The following NLGN1 variants were observed in gnomAD, a reference collection of about 807,000 sequenced individuals.
NLGN1 encodes neuroligin 1.
Under a neutral mutation model 65.5 loss-of-function variants are expected in NLGN1, and 12 were observed. The observed-to-expected ratio is 0.18, with a 90% CI of 0.12 to 0.30. The LOEUF (loss-of-function observed/expected upper bound fraction) is 0.30, where lower values mean the gene tolerates loss of function less well. Among genes scored for constraint, NLGN1 ranks in the 10% least tolerant of loss-of-function variants. NLGN1 has a pLI of 1.00. For missense variants in NLGN1, 750 were observed against 1,007.1 expected (o/e 0.74, Z 3.46); for synonymous variants, 350 against 359.5 (o/e 0.97, Z 0.30).
intron 4 of NLGN1, among the ~76,000 whole-genome samples, chr3:174,265,561 T>G (rs1046155656): frequency 6.6e-6 from 1 of 151,832 alleles, no homozygotes; most frequent in African/African-American, 2.4e-5. Context: ...GCGCACCCAC[T>G]GACCTGCGCC....
intron 3 of NLGN1, among the ~76,000 whole-genome samples, chr3:173,717,595 TC>T (rs1770086494): frequency 6.6e-6 from 1 of 152,170 alleles, no homozygotes; most frequent in African/African-American, 2.4e-5. Context: ...AATTGTATTT[TC>T]TTTTTTATTA....
At chr3:173,681,516 A>G (rs1763944870) in intron 3 of NLGN1, among the ~76,000 whole-genome samples, 1 of 152,156 alleles carries the variant, frequency 6.6e-6, no homozygotes, top group Non-Finnish European at 1.5e-5. Flanking sequence ...GGCCTCTCCA[A>G]ACCTCCCTGG....
chr3:173,836,412 A>C (rs1006779317), intron 4 of NLGN1, among the ~76,000 whole-genome samples: 15 of 152,150 alleles, frequency 9.9e-5, no homozygotes, highest in African/African-American at 3.6e-4. Context: ...AGTAATAATC[A>C]TACTACTACT....
chr3:173,507,185 A>G lies in NLGN1; in HGVS notation c.-321+72107A>G, dbSNP rs150641141. Among the ~76,000 whole-genome samples the G allele has an allele frequency of 6.4e-3, 981 of 152,220 alleles. 13 individuals carry two copies. Among genetic ancestry groups the G allele is most frequent in the African/African-American group, 0.022 (923 of 41,548 alleles). ...AATAAGTACATGTTTGCTGCTGATG[A>G]GAAAGAATTAACCTCAGGTTTATTC... On this transcript the variant is annotated intron_variant, in intron 2 of 6. Coordinates refer to ENST00000457714, the Ensembl canonical transcript of NLGN1.
At chr3:174,086,286 T>TATATATTTATGTATGTGCATAA (rs1561008018) in intron 4 of NLGN1, among the ~76,000 whole-genome samples, 1 of 16,410 alleles carries the variant, frequency 6.1e-5, no homozygotes, top group Non-Finnish European at 1.1e-4. Flanking sequence ...TGTGCATAAA[T>TATATATTTATGTATGTGCATAA]ATATATATAT....
At chr3:174,121,858 T>A (rs954847996) in intron 4 of NLGN1, among the ~76,000 whole-genome samples, 2 of 152,210 alleles carry the variant, frequency 1.3e-5, no homozygotes, top group Non-Finnish European at 2.9e-5. Flanking sequence ...TTCTAATTTC[T>A]TTACTTTGTA....
intron 3 of NLGN1, among the ~76,000 whole-genome samples, chr3:173,709,263 C>G (rs1431969538): frequency 2.0e-5 from 3 of 152,160 alleles, no homozygotes; most frequent in Admixed American, 1.3e-4. Context: ...CCAGACCTAG[C>G]AGTCACCCTT....
At chr3:173,547,432 C>A (rs1740055586) in intron 2 of NLGN1, among the ~76,000 whole-genome samples, 1 of 152,134 alleles carries the variant, frequency 6.6e-6, no homozygotes, top group Non-Finnish European at 1.5e-5. Context: ...AATGAATGTG[C>A]TGCGGAGCCT....
At chr3:174,209,951 G>T (rs1424157005) in intron 4 of NLGN1, among the ~76,000 whole-genome samples, 10 of 151,868 alleles carry the variant, frequency 6.6e-5, no homozygotes. Context: ...CTTTCCACCT[G>T]CATCCTCTAT....
chr3:173,980,828 A>G (rs528785607), intron 4 of NLGN1, among the ~76,000 whole-genome samples: 9 of 152,252 alleles, frequency 5.9e-5, no homozygotes, highest in African/African-American at 1.9e-4. Context: ...TTTGAGTACT[A>G]TGATTGACCC....
intron 3 of NLGN1, among the ~76,000 whole-genome samples, chr3:173,737,666 C>T (rs900859641): frequency 6.6e-6 from 1 of 152,034 alleles, no homozygotes; most frequent in Non-Finnish European, 1.5e-5. Flanking sequence ...AGCTGATGGA[C>T]TTTGAGTTTT....
intron 2 of NLGN1, among the ~76,000 whole-genome samples, chr3:173,532,571 G>GAT (rs1162482952): frequency 6.6e-6 from 1 of 152,144 alleles, no homozygotes; most frequent in Non-Finnish European, 1.5e-5. Context: ...TGATTAAGGA[G>GAT]ATACTATAAA....
intron 4 of NLGN1, among the ~76,000 whole-genome samples, chr3:174,274,529 C>G (rs1004553953): frequency 1.3e-5 from 2 of 151,672 alleles, no homozygotes; most frequent in South Asian, 4.2e-4. Flanking sequence ...TTCTCTCCCC[C>G]TCATTTTCAG....
chr3:174,094,433 C>T (rs1277341842), intron 4 of NLGN1, among the ~76,000 whole-genome samples: 1 of 151,490 alleles, frequency 6.6e-6, no homozygotes, highest in Non-Finnish European at 1.5e-5. Context: ...AACACAAATT[C>T]GTAAACTTTT....
intron 4 of NLGN1, among the ~76,000 whole-genome samples, chr3:174,018,199 T>C (rs1727008741): frequency 6.6e-6 from 1 of 152,206 alleles, no homozygotes; most frequent in Non-Finnish European, 1.5e-5. Flanking sequence ...CTAATGGTTA[T>C]CTCCCTTGTT....
At chr3:173,474,391 T>C (rs893940643) in intron 2 of NLGN1, among the ~76,000 whole-genome samples, 5 of 151,776 alleles carry the variant, frequency 3.3e-5, no homozygotes, top group African/African-American at 1.2e-4. Context: ...TGCATCTTCC[T>C]AAAAAAAAGC....
In NLGN1 at chr3:173,811,490, C is replaced by T. The variant is rs552287971; in HGVS notation, c.646+3658C>T. On this transcript the variant is annotated intron_variant, in intron 4 of 6. Coordinates refer to ENST00000457714, the Ensembl canonical transcript of NLGN1. ...GAGGCAGGAGAAGCATCACTTGAAC[C>T]TGGGAGGCAGAGGTTGCAGTGAGCT... Among the ~76,000 whole-genome samples the T allele has an allele frequency of 2.1e-4, 31 of 149,656 alleles. No homozygotes were observed. The South Asian group carries it at 6.3e-3, about 31-fold the overall frequency.
At chr3:174,022,344 A>C (rs1473690439) in intron 4 of NLGN1, among the ~76,000 whole-genome samples, 3 of 152,120 alleles carry the variant, frequency 2.0e-5, no homozygotes, top group Non-Finnish European at 4.4e-5. Flanking sequence ...TCAGAATTGC[A>C]AAATGCCTCT....
intron 4 of NLGN1, among the ~76,000 whole-genome samples, chr3:173,942,286 G>A (rs547397220): frequency 6.6e-6 from 1 of 152,042 alleles, no homozygotes; most frequent in Non-Finnish European, 1.5e-5. Context: ...ACTATCTATG[G>A]TAGGTCAGGT....
Sources: gnomAD v4.1 joint callset for allele counts (sites outside exome capture counted in the v4.1 genomes callset) on GRCh38, gnomAD v4.1.1 for gene constraint, MANE v1.5 for transcripts, NCBI Gene and HGNC (gene_info 2026-07-23, HGNC 2026-07-21) for gene names.